The following SLC25A48 variants were observed in gnomAD, a reference collection of about 807,000 sequenced individuals.
The protein encoded by SLC25A48 is solute carrier family 25 member 48, also known as CTC-321K16.1.
SLC25A48 carries 29 observed loss-of-function variants against 32.2 expected under a neutral mutation model. That is an observed-to-expected ratio of 0.90 (90% CI 0.67 to 1.23). The LOEUF is 1.23. SLC25A48 is among the 50% of genes most tolerant of loss of function. SLC25A48 has a pLI of 0.00. For synonymous variants in SLC25A48, 164 were observed against 172.3 expected (o/e 0.95, Z 0.38); for missense variants, 399 against 422.7 (o/e 0.94, Z 0.49).
intron 1 of SLC25A48, among the ~76,000 whole-genome samples, chr5:135,611,918 C>T (rs958193549): frequency 6.6e-6 from 1 of 152,162 alleles, no homozygotes; most frequent in Admixed American, 6.5e-5. Context: ...ACGGAATTGT[C>T]ATTATTTAAA....
intron 5 of SLC25A48, 47 bp from the exon 6 acceptor site, chr5:135,873,974 A>G: frequency 6.7e-7 from 1 of 1,498,448 alleles, no homozygotes; most frequent in South Asian, 1.3e-5. Context: ...AGGCCCCTCC[A>G]GATCCTAAGG....
At chr5:135,701,643 C>T (rs1175292989) in intron 3 of SLC25A48, among the ~76,000 whole-genome samples, 4 of 152,208 alleles carry the variant, frequency 2.6e-5, no homozygotes, top group African/African-American at 4.8e-5. Flanking sequence ...GTAGCATAGG[C>T]CATGGCCTTT....
At chr5:135,816,026 TAC>T (rs1270509526) in intron 4 of SLC25A48, among the ~76,000 whole-genome samples, 2 of 152,182 alleles carry the variant, frequency 1.3e-5, no homozygotes, top group Non-Finnish European at 2.9e-5. Context: ...TCAGGAAACT[TAC>T]AGTCATGGCG....
intron 3 of SLC25A48, among the ~76,000 whole-genome samples, chr5:135,709,951 A>G (rs886385373): frequency 2.0e-5 from 3 of 152,182 alleles, no homozygotes; most frequent in African/African-American, 7.2e-5. Flanking sequence ...GGCTCAGATA[A>G]ACGACATTTA....
intron 4 of SLC25A48, among the ~76,000 whole-genome samples, chr5:135,815,830 C>G (rs919944184): frequency 1.7e-4 from 26 of 152,172 alleles, no homozygotes; most frequent in African/African-American, 6.0e-4. Flanking sequence ...GATATTTAAA[C>G]AGACTCATAT....
intron 1 of SLC25A48, among the ~76,000 whole-genome samples, chr5:135,615,728 T>A (rs1752171239): frequency 6.6e-6 from 1 of 152,110 alleles, no homozygotes; most frequent in Admixed American, 6.6e-5. Context: ...TAACTGAAGT[T>A]TGCATAACTG....
At chr5:135,603,842 T>G (rs1751863385) in intron 1 of SLC25A48, among the ~76,000 whole-genome samples, 1 of 148,850 alleles carries the variant, frequency 6.7e-6, no homozygotes, top group Admixed American at 6.6e-5. Flanking sequence ...GGGCACCCTC[T>G]GTCACCTCCA....
chr5:135,784,321 C>T (rs1225965456), intron 3 of SLC25A48, among the ~76,000 whole-genome samples: 3 of 116,334 alleles, frequency 2.6e-5, no homozygotes, highest in African/African-American at 7.9e-5. Context: ...GATATTACTC[C>T]CAATACCCCA....
At chr5:135,596,398 C>T (rs1481423024) in intron 1 of SLC25A48, among the ~76,000 whole-genome samples, 1 of 152,096 alleles carries the variant, frequency 6.6e-6, no homozygotes, top group East Asian at 1.9e-4. Flanking sequence ...ACTCATGGGC[C>T]AAGGAAAAAT....
intron 3 of SLC25A48, among the ~76,000 whole-genome samples, chr5:135,852,355 C>T (rs12513938): frequency 0.14 from 20,681 of 152,198 alleles, 1,825 homozygotes; most frequent in Middle Eastern, 0.2. Flanking sequence ...GGAAACAAAG[C>T]GGCCTGCAGA....
intron 1 of SLC25A48, among the ~76,000 whole-genome samples, chr5:135,603,442 T>C (rs1397345801): frequency 2.6e-5 from 4 of 152,350 alleles, no homozygotes; most frequent in Non-Finnish European, 5.9e-5. Flanking sequence ...TTGAGGAGTG[T>C]CCCATTCCTC....
intron 3 of SLC25A48, among the ~76,000 whole-genome samples, chr5:135,698,460 T>C (rs1229415697): frequency 6.6e-6 from 1 of 152,208 alleles, no homozygotes; most frequent in Non-Finnish European, 1.5e-5. Flanking sequence ...AGCCTGAAGC[T>C]TAAGAAAAGT....
chr5:135,777,995 CCT>C (rs1176991557), intron 3 of SLC25A48, among the ~76,000 whole-genome samples: 1 of 151,286 alleles, frequency 6.6e-6, no homozygotes, highest in African/African-American at 2.4e-5. Flanking sequence ...TACACAGTCC[CCT>C]GTGATATTGT....
At chr5:135,732,985 T>C (rs1401209728) in intron 3 of SLC25A48, among the ~76,000 whole-genome samples, 1 of 152,204 alleles carries the variant, frequency 6.6e-6, no homozygotes, top group Non-Finnish European at 1.5e-5. Flanking sequence ...GAAGAGTTTT[T>C]ATTAAAGAGG....
chr5:135,786,131 A>T (rs1019820425), intron 3 of SLC25A48, among the ~76,000 whole-genome samples: 9 of 150,202 alleles, frequency 6.0e-5, no homozygotes, highest in African/African-American at 2.2e-4. Context: ...CAGAGGGTGG[A>T]ACACCCCCCT....
intron 3 of SLC25A48, among the ~76,000 whole-genome samples, chr5:135,688,848 G>A (rs1273854331): frequency 6.6e-6 from 1 of 152,192 alleles, no homozygotes; most frequent in Admixed American, 6.5e-5. Flanking sequence ...GGGAGTCAAT[G>A]TCAATGGGAG....
At chr5:135,618,282 C>T (rs1457974958) in intron 1 of SLC25A48, among the ~76,000 whole-genome samples, 1 of 152,048 alleles carries the variant, frequency 6.6e-6, no homozygotes, top group Non-Finnish European at 1.5e-5. Context: ...ATTCCATTCC[C>T]TTATTTTCAG....
At chr5:135,652,253 A>G in intron 3 of SLC25A48, 1 of 405,058 alleles carries the variant, frequency 2.5e-6, no homozygotes. Flanking sequence ...GTGAGTAGAC[A>G]GTCACCTGGT....
chr5:135,848,892 G>A (rs779767145), intron 2 of SLC25A48, among the ~76,000 whole-genome samples: 22 of 152,132 alleles, frequency 1.4e-4, no homozygotes, highest in Admixed American at 2.6e-4. Context: ...TCTTGGCCAC[G>A]TTATTAGCCA....
Sources: gnomAD v4.1 joint callset for allele counts (sites outside exome capture counted in the v4.1 genomes callset) on GRCh38, gnomAD v4.1.1 for gene constraint, MANE v1.5 for transcripts, NCBI Gene and HGNC (gene_info 2026-07-23, HGNC 2026-07-21) for gene names.